FAT3: variants seen among roughly 807,000 people sequenced by gnomAD.
FAT3 encodes the protein protocadherin Fat 3.
A neutral mutation model predicts 310.2 loss-of-function variants in FAT3; 95 were observed. The observed-to-expected ratio is 0.31, with a 90% CI of 0.26 to 0.36. The LOEUF (loss-of-function observed/expected upper bound fraction) is 0.36, where lower values mean the gene tolerates loss of function less well. FAT3 is among the 10% of genes least tolerant of loss of function. FAT3 has a pLI of 1.00. For missense variants in FAT3, 5,408 were observed against 5,715.6 expected (o/e 0.95, Z 1.74); for synonymous variants, 2,314 against 2,192.9 (o/e 1.06, Z -1.54).
At chr11:92,720,012 G>A (rs1049189156) in intron 4 of FAT3, among the ~76,000 whole-genome samples, 4 of 152,078 alleles carry the variant, frequency 2.6e-5, no homozygotes, top group African/African-American at 9.7e-5. Flanking sequence ...ATCAAGAAAT[G>A]TTTGTCACAT....
At chr11:92,666,550 CG>C (rs1385304769) in intron 3 of FAT3, among the ~76,000 whole-genome samples, 1 of 148,990 alleles carries the variant, frequency 6.7e-6, no homozygotes, top group Non-Finnish European at 1.5e-5. Context: ...TTAGTAGAGA[CG>C]GGGTTTCACC....
intron 2 of FAT3, among the ~76,000 whole-genome samples, chr11:92,495,888 C>T (rs1952741473): frequency 6.6e-6 from 1 of 152,026 alleles, no homozygotes. Context: ...TCTTAATTCT[C>T]AGCTATTTGA....
intron 3 of FAT3, among the ~76,000 whole-genome samples, chr11:92,553,498 C>T (rs61901558): frequency 0.012 from 1,840 of 152,246 alleles, 13 homozygotes; most frequent in Non-Finnish European, 0.019. Context: ...TGTAGGTTAC[C>T]GGGCATCTGT....
At position 92,891,377 on chromosome 11, in the gene FAT3, G is replaced by C. The variant is rs1949915824; in HGVS notation, c.*264G>C. The C allele has an allele frequency of 2.0e-6, 1 of 500,284 alleles. No individual in the cohort carries two copies. The highest frequency in any genetic ancestry group is 2.1e-5 in the South Asian group (1 of 47,238). 31.0% of individuals were successfully genotyped at this position (500,284 alleles called of 1,614,324 possible). A position where few individuals can be genotyped will look rare whatever the true frequency, so the allele number is the denominator to read the frequency against. On this transcript the variant is annotated 3_prime_UTR_variant, in exon 28 of 28. Coordinates refer to ENST00000525166, the MANE Select transcript of FAT3 (RefSeq NM_001367949.2). The stretch of plus-strand genomic sequence containing the variant: ...ATGTTCACAGCTAAAAATGCAAAGA[G>C]GGAAAAATTATTTCACCCACTAAGT...
intron 1 of FAT3, among the ~76,000 whole-genome samples, chr11:92,293,984 C>T (rs1946778865): frequency 6.6e-6 from 1 of 152,026 alleles, no homozygotes; most frequent in Admixed American, 6.6e-5. Context: ...TTAAATCTGT[C>T]AGTTTCCTGC....
At chr11:92,815,310 C>T (rs1281500872) in intron 13 of FAT3, among the ~76,000 whole-genome samples, 2 of 151,928 alleles carry the variant, frequency 1.3e-5, no homozygotes, top group Non-Finnish European at 2.9e-5. Flanking sequence ...CACGGTGGCT[C>T]ACACCTGTAA....
Position 92,659,456 on chromosome 11 carries a change from A to G in FAT3, c.3608-37928A>G, listed in dbSNP as rs115615613. Among the ~76,000 whole-genome samples the G allele has an allele frequency of 4.4e-3, 667 of 152,350 alleles. 4 individuals are homozygous for G. Among genetic ancestry groups the G allele is most frequent in the African/African-American group, 0.015 (633 of 41,584 alleles). On this transcript the variant is annotated intron_variant, in intron 3 of 27. Coordinates refer to ENST00000525166, the MANE Select transcript of FAT3 (RefSeq NM_001367949.2). Reference sequence around the variant, plus strand: ...TTTTTTACTGCTTTGTTATCAGTTCATGGACCTAAACTTCAAATAAGGATT... The same window carrying G: ...TTTTTTACTGCTTTGTTATCAGTTCGTGGACCTAAACTTCAAATAAGGATT...
intron 9 of FAT3, among the ~76,000 whole-genome samples, chr11:92,796,562 A>G (rs558305428): frequency 5.9e-5 from 9 of 152,308 alleles, no homozygotes; most frequent in South Asian, 2.1e-4. Flanking sequence ...CATTTAAATT[A>G]TATACCTATC....
chr11:92,680,308 T>G (rs182272948), intron 3 of FAT3, among the ~76,000 whole-genome samples: 58 of 152,308 alleles, frequency 3.8e-4, no homozygotes, highest in Admixed American at 3.5e-3. Flanking sequence ...AGTGGTCCAG[T>G]TTCATTCTGC....
intron 3 of FAT3, among the ~76,000 whole-genome samples, chr11:92,692,392 C>G (rs937181030): frequency 1.3e-5 from 2 of 152,124 alleles, no homozygotes; most frequent in Admixed American, 6.6e-5. Context: ...ATTTATTCAC[C>G]ACCCTTTTGC....
chr11:92,307,950 A>C (rs1442344986), intron 1 of FAT3, among the ~76,000 whole-genome samples: 4 of 152,162 alleles, frequency 2.6e-5, no homozygotes, highest in Non-Finnish European at 4.4e-5. Context: ...TGGAAATTTG[A>C]TCTTTAGTAA....
In FAT3 at chr11:92,834,568, G is replaced by A. The variant is rs141211494; in HGVS notation, c.9872-302G>A. 7.2e-4 allele frequency among the ~76,000 whole-genome samples: 110 copies of A among 152,290 alleles called. 1 individual carries two copies. Among genetic ancestry groups the A allele is most frequent in the Middle Eastern group, 6.8e-3 (2 of 294 alleles). ...GGGATGCTTGTTTCTGTTCCTACTCGTTAGTTGTGTGAGAGTGAAGATGCC... is the reference window on the plus strand; with the variant it reads ...GGGATGCTTGTTTCTGTTCCTACTCATTAGTTGTGTGAGAGTGAAGATGCC... On this transcript the variant is annotated intron_variant, in intron 14 of 27. Transcript: ENST00000525166.
rs1565385576 is a variant in FAT3, at chr11:92,527,764, A to G, written c.3607+2816A>G. Among the ~76,000 whole-genome samples, 7 of 152,238 alleles carry G rather than the reference A, an allele frequency of 4.6e-5. No individual in the cohort carries two copies. In the South Asian group the frequency reaches 1.4e-3, roughly 32 times the overall value. ...CTAAAGTCATTTGTCTGAAATAGTT[A>G]CATCAATATAACATTTTTCAGTAAT... On this transcript the variant is annotated intron_variant, in intron 3 of 27. Coordinates refer to ENST00000525166, the MANE Select transcript of FAT3 (RefSeq NM_001367949.2).
chr11:92,560,450 T>G (rs986684175), intron 3 of FAT3, among the ~76,000 whole-genome samples: 7 of 149,866 alleles, frequency 4.7e-5, no homozygotes, highest in Non-Finnish European at 1.0e-4. Flanking sequence ...AAAGTCTAGG[T>G]TTTTTTTTTA....
chr11:92,778,603 G>T (rs1300291021), intron 7 of FAT3, among the ~76,000 whole-genome samples: 1 of 152,178 alleles, frequency 6.6e-6, no homozygotes, highest in Non-Finnish European at 1.5e-5. Context: ...ATTTTGGCAT[G>T]TGTATATGTT....
chr11:92,745,788 C>T (rs1329241964), intron 4 of FAT3, among the ~76,000 whole-genome samples: 3 of 152,164 alleles, frequency 2.0e-5, no homozygotes, highest in Non-Finnish European at 4.4e-5. Flanking sequence ...TCCTGAAATG[C>T]AAGGTCCATG....
chr11:92,852,096 C>T (rs1948845224), intron 19 of FAT3, among the ~76,000 whole-genome samples: 1 of 152,108 alleles, frequency 6.6e-6, no homozygotes, highest in Admixed American at 6.5e-5. Flanking sequence ...AAAAGTGTTT[C>T]CTGGACCCAG....
At chr11:92,416,071 TA>T (rs398017104) in intron 2 of FAT3, among the ~76,000 whole-genome samples, 19,460 of 73,850 alleles carry the variant, frequency 0.26, 2,136 homozygotes, top group African/African-American at 0.45. Flanking sequence ...CCTGGAAGCC[TA>T]AAAAAAAAAA....
At chr11:92,847,005 A>G (rs1948698457) in intron 19 of FAT3, among the ~76,000 whole-genome samples, 1 of 152,220 alleles carries the variant, frequency 6.6e-6, no homozygotes, top group South Asian at 2.1e-4. Flanking sequence ...CCAGGGCCAT[A>G]CAGCTGATGA....
Sources: gnomAD v4.1 joint callset for allele counts (sites outside exome capture counted in the v4.1 genomes callset) on GRCh38, gnomAD v4.1.1 for gene constraint, MANE v1.5 for transcripts, NCBI Gene and HGNC (gene_info 2026-07-23, HGNC 2026-07-21) for gene names.